The following UBN1 variants were observed in gnomAD, a reference collection of about 807,000 sequenced individuals.
UBN1 encodes ubinuclein 1, also known as ubinuclein-1.
A neutral mutation model predicts 108.5 loss-of-function variants in UBN1; 17 were observed. The ratio of observed to expected loss-of-function variants is 0.16; its 90% CI spans 0.11 to 0.24. UBN1 has a LOEUF of 0.24. UBN1 is among the 10% of genes least tolerant of loss of function. The pLI, the probability that UBN1 is intolerant of heterozygous loss-of-function variation, is 1.00. For synonymous variants in UBN1, 726 were observed against 564.2 expected (o/e 1.29, Z -4.07); for missense variants, 1,595 against 1,394.4 (o/e 1.14, Z -2.29).
At chr16:4,868,390 A>G (rs2087439466) in intron 7 of UBN1, among the ~76,000 whole-genome samples, 1 of 152,240 alleles carries the variant, frequency 6.6e-6, no homozygotes, top group Non-Finnish European at 1.5e-5. Context: ...CTTAAGTGTT[A>G]GAGCTACACA....
At chr16:4,865,115 G>T (rs2087262045) in intron 7 of UBN1, among the ~76,000 whole-genome samples, 2 of 152,108 alleles carry the variant, frequency 1.3e-5, no homozygotes, top group South Asian at 4.1e-4. Flanking sequence ...AACTTCTGGG[G>T]TAAGAGTGTC....
chr16:4,870,797 T>C, intron 10 of UBN1, 47 bp from the exon 11 acceptor site: 3 of 1,609,900 alleles, frequency 1.9e-6, no homozygotes, highest in Non-Finnish European at 2.5e-6. Context: ...GGAGAGGCGG[T>C]GGGCAGGAGC....
rs2088098644 is a variant in UBN1 at position 4,882,289 on chromosome 16, G to C, written c.*2157G>C. ...TGGCTTTTGTGCAGCGACTATGTTG[G>C]TGTTAGGGGTGGTGTGGAGATTGTT... On this transcript the variant is annotated 3_prime_UTR_variant, in exon 18 of 18. Transcript: ENST00000262376. 1 of 152,650 alleles carries C rather than the reference G, an allele frequency of 6.6e-6. No individual in the cohort carries two copies. Among genetic ancestry groups the C allele is most frequent in the African/African-American group, 2.4e-5 (1 of 41,424 alleles). 9.5% of individuals were successfully genotyped at this position (152,650 alleles called of 1,614,324 possible).
At chr16:4,870,110 G>T (rs2087548205) in intron 8 of UBN1, 102 bp from the exon 9 acceptor site, 2 of 1,547,684 alleles carry the variant, frequency 1.3e-6, no homozygotes, top group Middle Eastern at 1.7e-4. Context: ...GACAGGGTTT[G>T]ACTGCCGTTG....
At chr16:4,870,465 G>T (rs986144086) in intron 9 of UBN1, 51 bp from the exon 10 acceptor site, 9 of 1,612,980 alleles carry the variant, frequency 5.6e-6, no homozygotes, top group Non-Finnish European at 6.8e-6. Context: ...TGCGTCCTGA[G>T]CGTAAGAGCG....
chr16:4,873,286 G>T (rs2087730228), intron 14 of UBN1, among the ~76,000 whole-genome samples: 1 of 152,220 alleles, frequency 6.6e-6, no homozygotes, highest in Non-Finnish European at 1.5e-5. Flanking sequence ...AGCTGGCCCA[G>T]TTCCTGGGGT....
chr16:4,870,423 T>C (rs2087569978), intron 9 of UBN1, 82 bp downstream of exon 9: 2 of 1,609,448 alleles, frequency 1.2e-6, no homozygotes, highest in East Asian at 4.5e-5. Flanking sequence ...ATGCGTCTGC[T>C]GCCCCACTGC....
At chr16:4,868,775 G>C (rs938795257) in intron 7 of UBN1, 58 bp from the exon 8 acceptor site, 1 of 1,568,230 alleles carries the variant, frequency 6.4e-7, no homozygotes, top group African/African-American at 1.3e-5. Flanking sequence ...CTGTGGGTGA[G>C]CGTAAGGGAC....
chr16:4,874,798 A>T lies in UBN1; in HGVS notation c.2388A>T (p.Ala796=). The change falls in exon 15 of 18, where the codon GCA becomes GCT. Residue 796 remains alanine (A), a synonymous_variant. Coordinates refer to ENST00000262376, the MANE Select transcript of UBN1 (RefSeq NM_001079514.3). ...GGACGTCTCACGGGCCCCAAGTGGC[A>T]GTTCCTGTGCCTGGCCCCCAGGTCA... The part of the protein sequence containing the change: ...LPRTSHGPQV[A]VPVPGPQVKV... The T allele has an allele frequency of 1.9e-6, 3 of 1,614,126 alleles. No homozygotes were observed. The South Asian group carries it at 3.3e-5, about 18-fold the overall frequency.
chr16:4,870,834 C>T lies in UBN1; in HGVS notation c.1431-10C>T, dbSNP rs1350035055. 6.2e-7 allele frequency: 1 copy of T among 1,613,338 alleles called. No individual in the cohort carries two copies. Among genetic ancestry groups the T allele is most frequent in the Non-Finnish European group, 8.5e-7 (1 of 1,179,638 alleles). Reference sequence around the variant, plus strand: ...CCTTGGGGCCCCATGTAATTCTATTCACCCCGTAGGATGCTGGAAGAGGAG... The same window carrying T: ...CCTTGGGGCCCCATGTAATTCTATTTACCCCGTAGGATGCTGGAAGAGGAG... On this transcript the variant is annotated splice_polypyrimidine_tract_variant and intron_variant, in intron 10 of 17. Coordinates refer to ENST00000262376, the MANE Select transcript of UBN1 (RefSeq NM_001079514.3).
intron 8 of UBN1, among the ~76,000 whole-genome samples, chr16:4,869,926 T>C (rs1274218987): frequency 6.6e-6 from 1 of 152,214 alleles, no homozygotes; most frequent in Non-Finnish European, 1.5e-5. Context: ...GTTTTCTCTA[T>C]GAAATTTAGT....
In UBN1 at chr16:4,873,028, C is replaced by T; in HGVS notation, c.1758-3C>T. On this transcript the variant is annotated splice_region_variant and splice_polypyrimidine_tract_variant and intron_variant, in intron 13 of 17. Transcript: ENST00000262376. ...ACTTTTCTGTGCTCATTCCTTTGAA[C>T]AGGGCCAAGAAGAAAGTTATGGCCC... 1.9e-6 allele frequency: 3 copies of T among 1,614,168 alleles called. No individual in the cohort carries two copies. The highest frequency in any genetic ancestry group is 1.7e-6 in the Non-Finnish European group (2 of 1,180,040).
chr16:4,847,531 A>AGGCGGCGGC lies in UBN1; in HGVS notation c.-711_-703dup. 6.3e-6 allele frequency: 3 copies of AGGCGGCGGC among 475,484 alleles called. No homozygotes were observed. Among genetic ancestry groups the AGGCGGCGGC allele is most frequent in the South Asian group, 2.9e-5 (1 of 34,966 alleles). The allele number at this position is 475,484 out of a possible 1,614,324, so 29.5% of individuals were successfully genotyped here. On this transcript the variant is annotated 5_prime_UTR_variant, in exon 1 of 18. Coordinates refer to ENST00000262376, the MANE Select transcript of UBN1 (RefSeq NM_001079514.3). Reference sequence around the variant, plus strand: ...GTGACAACGAAGCGCCCGCGGTCTGAGGCGGCGGCGGCGGCGACGGTGCGA... The same window carrying AGGCGGCGGC: ...GTGACAACGAAGCGCCCGCGGTCTGAGGCGGCGGCGGCGGCGGCGGCGGCGACGGTGCGA...
intron 3 of UBN1, 96 bp from the exon 4 acceptor site, chr16:4,858,472 A>G (rs908964359): frequency 9.9e-6 from 11 of 1,105,896 alleles, no homozygotes; most frequent in South Asian, 8.3e-5. Context: ...TAGTTAGTGC[A>G]TTACCTCTTT....
intron 12 of UBN1, among the ~76,000 whole-genome samples, chr16:4,871,730 GTGCCTGCCACCA>G (rs2087646825): frequency 6.6e-6 from 1 of 151,876 alleles, no homozygotes; most frequent in South Asian, 2.1e-4. Context: ...GGGACTACAG[GTGCCTGCCACCA>G]TGCCCGGCTA....
chr16:4,880,222 C>A lies in UBN1; in HGVS notation c.*90C>A. ...ATGTACACTCACTGCGCCCTTTCTG[C>A]TGCTTGGTGTTCTTCTGGAGGAGCG... On this transcript the variant is annotated 3_prime_UTR_variant, in exon 18 of 18. Coordinates refer to ENST00000262376, the MANE Select transcript of UBN1 (RefSeq NM_001079514.3). The A allele has an allele frequency of 7.1e-7, 1 of 1,416,992 alleles. No homozygotes were observed. The highest frequency in any genetic ancestry group is 1.0e-6 in the Non-Finnish European group (1 of 1,002,344). The allele number at this position is 1,416,992 out of a possible 1,614,324, so 87.8% of individuals were successfully genotyped here.
intron 7 of UBN1, among the ~76,000 whole-genome samples, chr16:4,865,380 C>T (rs1029053063): frequency 6.6e-6 from 1 of 152,094 alleles, no homozygotes; most frequent in Admixed American, 6.5e-5. Flanking sequence ...GTACAAGTGG[C>T]TATCTAAACA....
In UBN1 at chr16:4,852,864, T is replaced by G; in HGVS notation, c.-39-15T>G. 3 of 1,553,692 alleles carry G rather than the reference T, an allele frequency of 1.9e-6. No homozygotes were observed. The highest frequency in any genetic ancestry group is 2.6e-6 in the Non-Finnish European group (3 of 1,148,680). ...CATCTTCGTTTGACCTGGCCCTTCTTTTCAATGTTAACAGAAGCCATGCAG... is the reference window on the plus strand; with the variant it reads ...CATCTTCGTTTGACCTGGCCCTTCTGTTCAATGTTAACAGAAGCCATGCAG... On this transcript the variant is annotated splice_polypyrimidine_tract_variant and intron_variant, in intron 1 of 17. Transcript: ENST00000262376.
chr16:4,849,361 C>CA (rs2086412823), intron 1 of UBN1, among the ~76,000 whole-genome samples: 5 of 151,212 alleles, frequency 3.3e-5, no homozygotes, highest in African/African-American at 9.8e-5. Context: ...AAACAAAAAC[C>CA]AAAAAACCCA....
Sources: gnomAD v4.1 joint callset for allele counts (sites outside exome capture counted in the v4.1 genomes callset) on GRCh38, gnomAD v4.1.1 for gene constraint, MANE v1.5 for transcripts, NCBI Gene and HGNC (gene_info 2026-07-23, HGNC 2026-07-21) for gene names.